The following CIC variants were observed in gnomAD, a reference collection of about 807,000 sequenced individuals.
CIC encodes the protein capicua transcriptional repressor, also known as protein capicua homolog.
Under a neutral mutation model 115.7 loss-of-function variants are expected in CIC, and 18 were observed. The observed-to-expected ratio is 0.16, with a 90% CI of 0.11 to 0.23. The LOEUF (loss-of-function observed/expected upper bound fraction) is 0.23, where lower values mean the gene tolerates loss of function less well. Among genes scored for constraint, CIC ranks in the 10% least tolerant of loss-of-function variants. The pLI is 1.00. For synonymous variants in CIC, 1,076 were observed against 923.0 expected (o/e 1.17, Z -3.01); for missense variants, 2,000 against 2,159.3 (o/e 0.93, Z 1.46).
At chr19:42,278,094 G>C (rs939871252) in intron 2 of CIC, among the ~76,000 whole-genome samples, 1 of 152,240 alleles carries the variant, frequency 6.6e-6, no homozygotes, top group African/African-American at 2.4e-5. Flanking sequence ...CCTGCCCCCA[G>C]CCAGGCATTT....
In CIC at chr19:42,291,404, C is replaced by G; in HGVS notation, c.5363C>G (p.Ala1788Gly). 6.2e-7 allele frequency: 1 copy of G among 1,612,548 alleles called. No homozygotes were observed. Among genetic ancestry groups the G allele is most frequent in the Non-Finnish European group, 8.5e-7 (1 of 1,179,766 alleles). ...GTSTNGKVLA[A>G]TAPTPGIPIL... ...TCCACCAACGGCAAAGTCCTGGCTG[C>G]CACTGCACCCACTCCTGGCATCCCC... The change falls in exon 11 of 21, where the codon GCC becomes GGC. Residue 1788 changes from alanine (A) to glycine (G), a missense_variant. This residue lies in a region of CIC where 1,466 missense variants were observed against 1,390.4 expected (regional missense o/e 1.05). Transcript: ENST00000681038.
Position 42,293,020 on chromosome 19 carries a change from G to A in CIC, c.6261G>A (p.Gln2087=), listed in dbSNP as rs2147318186. The change falls in exon 16 of 21, where the codon CAG becomes CAA. Residue 2087 remains glutamine, a synonymous_variant. Transcript: ENST00000681038. ...KAQRPSPKAP[Q]KVKAAIASIP... ...AGCGGCCCAGCCCGAAGGCCCCCCA[G>A]AAAGTGAAGGCAGCCATCGCCAGCA... is the stretch of plus-strand genomic sequence containing the variant. 1.2e-6 allele frequency: 2 copies of A among 1,613,356 alleles called. No individual in the cohort carries two copies. Among genetic ancestry groups the A allele is most frequent in the Non-Finnish European group, 1.7e-6 (2 of 1,179,970 alleles).
In CIC at chr19:42,291,760, T is replaced by C. The variant is rs1402878233; in HGVS notation, c.5613+15T>C. On this transcript the variant is annotated intron_variant, in intron 12 of 20. Transcript: ENST00000681038. ...CCCCCAGCAAGGTGAGGGCCTGCCTTTCTCTCTACCTGCTGGATGTTGGCC... is the reference window on the plus strand; with the variant it reads ...CCCCCAGCAAGGTGAGGGCCTGCCTCTCTCTCTACCTGCTGGATGTTGGCC... 1.2e-6 allele frequency: 2 copies of C among 1,612,816 alleles called. No homozygotes were observed. Among genetic ancestry groups the C allele is most frequent in the Non-Finnish European group, 1.7e-6 (2 of 1,179,872 alleles).
rs2037175218 is a variant in CIC at position 42,280,388 on chromosome 19, C to T, written c.2794+5811C>T. Among the ~76,000 whole-genome samples the T allele has an allele frequency of 6.6e-6, 1 of 152,090 alleles. No individual in the cohort carries two copies. Among genetic ancestry groups the T allele is most frequent in the African/African-American group, 2.4e-5 (1 of 41,418 alleles). On this transcript the variant is annotated intron_variant, in intron 2 of 20. Coordinates refer to ENST00000681038, the MANE Select transcript of CIC (RefSeq NM_001386298.1). This position sits in a 1 kb window ranked among gnomAD's most constrained non-coding sequence, Gnocchi z 4.9. ...GGCTGTGTAGAAGCGGACTGGCACC[C>T]AGCGAGGGCCGCGCCCAGCCCCCGC...
intron 12 of CIC, 64 bp downstream of exon 12, chr19:42,291,809 CTT>C: frequency 6.3e-7 from 1 of 1,588,960 alleles, no homozygotes; most frequent in East Asian, 2.2e-5. Flanking sequence ...ATTTCTTTGT[CTT>C]TTTTTTCAGT....
rs1388144643 is a variant in CIC at position 42,295,088 on chromosome 19, T to TGCCTCCACCCCC, written c.7452_7463dup (p.Pro2485_Pro2488dup). 1 of 1,527,036 alleles carries TGCCTCCACCCCC rather than the reference T, an allele frequency of 6.5e-7. No individual in the cohort carries two copies. Among genetic ancestry groups the TGCCTCCACCCCC allele is most frequent in the Admixed American group, 2.0e-5 (1 of 50,094 alleles). The allele number at this position is 1,527,036 out of a possible 1,614,324, so 94.6% of individuals were successfully genotyped here. On this transcript the variant is annotated inframe_insertion, in exon 21 of 21. Coordinates refer to ENST00000681038, the MANE Select transcript of CIC (RefSeq NM_001386298.1). The stretch of plus-strand genomic sequence containing the variant: ...GGCACGGCCCAGGCTGCCCCGCCAC[T>TGCCTCCACCCCC]GCCTCCACCCCCAGAGTCGGGGCCT...
chr19:42,289,728 C>A (rs2037933734), intron 9 of CIC, 120 bp from the exon 10 acceptor site: 1 of 910,036 alleles, frequency 1.1e-6, no homozygotes, highest in Admixed American at 2.0e-5. Flanking sequence ...TGAGGAGTAG[C>A]CTTCCTGGAC....
In CIC at chr19:42,284,576, G is replaced by A. The variant is rs1456300070; in HGVS notation, c.2795-2195G>A. The A allele has an allele frequency of 4.4e-5, 15 of 337,700 alleles. No homozygotes were observed. In the South Asian group the frequency reaches 6.2e-4, roughly 14 times the overall value. The allele number at this position is 337,700 out of a possible 1,614,324, so 20.9% of individuals were successfully genotyped here. A position where few individuals can be genotyped will look rare whatever the true frequency, so the allele number is the denominator to read the frequency against. On this transcript the variant is annotated intron_variant, in intron 2 of 20. Coordinates refer to ENST00000681038, the MANE Select transcript of CIC (RefSeq NM_001386298.1). Reference sequence around the variant, plus strand: ...GGCCGGAGGGGGGCGGCGGGGGGGGGGGCATGCGGCGACGGCCTCCCGCTC... The same window carrying A: ...GGCCGGAGGGGGGCGGCGGGGGGGGAGGCATGCGGCGACGGCCTCCCGCTC...
At position 42,291,276 on chromosome 19, in the gene CIC, T is replaced by A. The variant is rs2038077164; in HGVS notation, c.5235T>A (p.Leu1745=). 6.2e-7 allele frequency: 1 copy of A among 1,612,606 alleles called. No individual in the cohort carries two copies. The highest frequency in any genetic ancestry group is 1.3e-5 in the African/African-American group (1 of 74,872). The part of the protein sequence containing the change: ...QYILPTLPQQ[L]QVAPAPAPAP... ...TCCTGCCCACGCTGCCCCAGCAGCT[T>A]CAGGTGGCACCTGCCCCAGCACCAG... The change falls in exon 11 of 21, where the codon CTT becomes CTA. Residue 1745 remains leucine, a synonymous_variant. Coordinates refer to ENST00000681038, the MANE Select transcript of CIC (RefSeq NM_001386298.1).
rs766916251 is a variant in CIC, at chr19:42,289,755, T to G, written c.4088-93T>G. ...TTCCTGGACAGCACTCCCTGCCGGT[T>G]TGGAGCAGAGCTGAGATCCAGGCTC... On this transcript the variant is annotated intron_variant, in intron 9 of 20. Coordinates refer to ENST00000681038, the MANE Select transcript of CIC (RefSeq NM_001386298.1). 4.7e-5 allele frequency: 54 copies of G among 1,147,270 alleles called. 1 individual carries two copies. Among genetic ancestry groups the G allele is most frequent in the Admixed American group, 1.8e-4 (9 of 50,432 alleles). 71.1% of individuals were successfully genotyped at this position (1,147,270 alleles called of 1,614,324 possible). A position where few individuals can be genotyped will look rare whatever the true frequency, so the allele number is the denominator to read the frequency against.
At chr19:42,289,130 C>A (rs1322994029) in intron 8 of CIC, 40 bp downstream of exon 8, 1 of 1,613,240 alleles carries the variant, frequency 6.2e-7, no homozygotes, top group South Asian at 1.1e-5. Context: ...GGGCAGGGAA[C>A]CTGTCCAGGG....
At position 42,287,988 on chromosome 19, in the gene CIC, C is replaced by G; in HGVS notation, c.3658+13C>G. 6.3e-7 allele frequency: 1 copy of G among 1,578,530 alleles called. No homozygotes were observed. The highest frequency in any genetic ancestry group is 1.7e-4 in the Middle Eastern group (1 of 5,948). ...GCTGCCCCTGGGGGTTAGTCAGCCCCTTGGCTCTCCCACCCTGCCACCTCC... is the reference window on the plus strand; with the variant it reads ...GCTGCCCCTGGGGGTTAGTCAGCCCGTTGGCTCTCCCACCCTGCCACCTCC... On this transcript the variant is annotated intron_variant, in intron 7 of 20. Transcript: ENST00000681038. The surrounding 1 kb of genome is among the most constrained non-coding windows in gnomAD (Gnocchi z 8.7).
In CIC at chr19:42,289,309, C is replaced by G. The variant is rs775294305; in HGVS notation, c.3990C>G (p.Thr1330=). The part of the protein sequence containing the change: ...AATGRPPLLP[T]RASRSQRAAS... ...CTGGGCGGCCCCCGCTGCTGCCCAC[C>G]CGAGCTTCTCGTTCTCAGCGTGCGG... Residue 1330 remains threonine (T), a synonymous_variant, in exon 9 of 21, where the codon ACC becomes ACG. Coordinates refer to ENST00000681038, the MANE Select transcript of CIC (RefSeq NM_001386298.1). 1.2e-6 allele frequency: 2 copies of G among 1,614,050 alleles called. No individual in the cohort carries two copies. Among genetic ancestry groups the G allele is most frequent in the South Asian group, 1.1e-5 (1 of 91,086 alleles).
chr19:42,284,409 G>T (rs1323418189), intron 2 of CIC: 2 of 145,662 alleles, frequency 1.4e-5, no homozygotes, highest in African/African-American at 2.5e-5. Context: ...GATGGCCCCC[G>T]TGCCGCGCGC....
upstream of CIC, chr19:42,268,552 C>A (rs2036649972): frequency 6.6e-6 from 1 of 152,218 alleles, no homozygotes; most frequent in Non-Finnish European, 1.5e-5. Flanking sequence ...GCTACCGCTG[C>A]CACTGAGAGG....
Position 42,291,331 on chromosome 19 carries a change from G to A in CIC, c.5290G>A (p.Gly1764Ser), listed in dbSNP as rs751769419. ...APGTKAAAPS[G>S]PAPTTSIRFT... The stretch of plus-strand genomic sequence containing the variant: ...TGGGACCAAGGCAGCGGCTCCCAGC[G>A]GCCCTGCACCCACCACCAGCATCCG... Residue 1764 changes from glycine to serine, a missense_variant, in exon 11 of 21, where the codon GGC (glycine) becomes AGC (serine). Gly to Ser is a moderately conservative substitution (Grantham distance 56, BLOSUM62 0). This residue lies in a region of CIC where 1,466 missense variants were observed against 1,390.4 expected (regional missense o/e 1.05). Transcript: ENST00000681038. 1.8e-5 allele frequency: 29 copies of A among 1,612,590 alleles called. No homozygotes were observed. Among genetic ancestry groups the A allele is most frequent in the African/African-American group, 4.0e-5 (3 of 74,874 alleles).
chr19:42,270,029 C>T lies in CIC; in HGVS notation c.-11+648C>T, dbSNP rs1036628514. 2.0e-5 allele frequency among the ~76,000 whole-genome samples: 3 copies of T among 152,092 alleles called. No individual in the cohort carries two copies. Among genetic ancestry groups the T allele is most frequent in the Non-Finnish European group, 4.4e-5 (3 of 67,998 alleles). On this transcript the variant is annotated intron_variant, in intron 1 of 20. Coordinates refer to ENST00000681038, the MANE Select transcript of CIC (RefSeq NM_001386298.1). The surrounding 1 kb of genome is among the most constrained non-coding windows in gnomAD (Gnocchi z 4.1). ...GTAGGCCCTAGGGGAAAGAAAGCAG[C>T]TCTGGGGCGAAGAGAGGCTGGGCCA...
chr19:42,282,164 G>A (rs1240645705), intron 2 of CIC, among the ~76,000 whole-genome samples: 1 of 152,218 alleles, frequency 6.6e-6, no homozygotes, highest in Non-Finnish European at 1.5e-5. Context: ...TCACCTAATA[G>A]TCCCTCTGGT....
Position 42,292,095 on chromosome 19 carries a change from C to T in CIC, c.5623C>T (p.Leu1875=), listed in dbSNP as rs2147292255. 6.2e-7 allele frequency: 1 copy of T among 1,613,882 alleles called. No individual in the cohort carries two copies. Among genetic ancestry groups the T allele is most frequent in the Non-Finnish European group, 8.5e-7 (1 of 1,180,016 alleles). Residue 1875 remains leucine (L), a synonymous_variant, in exon 13 of 21, where the codon CTG becomes TTG. Transcript: ENST00000681038. ...GAQPPSKIIQ[L]TPVPVSTPSG... ...GTGCCCTTCTCCACAGATCATCCAG[C>T]TGACCCCGGTGCCTGTGAGCACACC... is the stretch of plus-strand genomic sequence containing the variant.
Sources: gnomAD v4.1 joint callset for allele counts (sites outside exome capture counted in the v4.1 genomes callset) on GRCh38, gnomAD v4.1.1 for gene constraint, gnomAD v4.1.1 regional missense constraint, Gnocchi (gnomAD v3.1) non-coding constraint, MANE v1.5 for transcripts, NCBI Gene and HGNC (gene_info 2026-07-23, HGNC 2026-07-21) for gene names.